The following GRM8 variants were observed in gnomAD, a reference collection of about 807,000 sequenced individuals.
GRM8 encodes the protein glutamate metabotropic receptor 8.
GRM8 carries 47 observed loss-of-function variants against 87.2 expected under a neutral mutation model. That is an observed-to-expected ratio of 0.54 (90% confidence interval 0.43 to 0.69). GRM8 has a LOEUF of 0.69. GRM8 is among the 30% of genes least tolerant of loss of function. GRM8 has a pLI of 0.00. For synonymous variants in GRM8, 396 were observed against 404.5 expected, an observed-to-expected ratio of 0.98 and a Z score of 0.25; for missense variants, 1,019 against 1,139.2, an observed-to-expected ratio of 0.89 and a Z score of 1.52.
intron 6 of GRM8, among the ~76,000 whole-genome samples, chr7:126,772,453 A>G (rs1399722102): frequency 6.6e-6 from 1 of 152,020 alleles, no homozygotes; most frequent in South Asian, 2.1e-4. Context: ...ATTTCTCAGC[A>G]CCACCCCAGA....
intron 6 of GRM8, among the ~76,000 whole-genome samples, chr7:126,859,267 A>G (rs1797954666): frequency 6.6e-6 from 1 of 152,198 alleles, no homozygotes; most frequent in African/African-American, 2.4e-5. Flanking sequence ...AAACGTGAAT[A>G]GATAAAAGTT....
At chr7:126,453,786 A>C (rs1228543303) in intron 9 of GRM8, among the ~76,000 whole-genome samples, 1 of 151,806 alleles carries the variant, frequency 6.6e-6, no homozygotes. Flanking sequence ...GTGGTCTTTA[A>C]TTTTCAATTA....
intron 3 of GRM8, among the ~76,000 whole-genome samples, chr7:126,941,604 A>G (rs1321690203): frequency 6.6e-6 from 1 of 151,384 alleles, no homozygotes; most frequent in Non-Finnish European, 1.5e-5. Flanking sequence ...TGGGCAACAG[A>G]GCAAGACTCT....
At chr7:127,079,436 G>C (rs1393399537) in intron 3 of GRM8, among the ~76,000 whole-genome samples, 1 of 152,168 alleles carries the variant, frequency 6.6e-6, no homozygotes, top group East Asian at 1.9e-4. Flanking sequence ...ATTTTTTAAA[G>C]TTAATGACAA....
At chr7:126,691,907 G>T (rs1243011240) in intron 7 of GRM8, among the ~76,000 whole-genome samples, 3 of 152,032 alleles carry the variant, frequency 2.0e-5, no homozygotes, top group Non-Finnish European at 4.4e-5. Flanking sequence ...TAGATCTTCG[G>T]GCCCTTTTAA....
intron 2 of GRM8, among the ~76,000 whole-genome samples, chr7:127,232,675 C>T (rs1563597478): frequency 1.3e-5 from 2 of 152,172 alleles, no homozygotes; most frequent in Non-Finnish European, 2.9e-5. Flanking sequence ...AATGAATATC[C>T]TCTTAATAGC....
chr7:126,468,773 A>G (rs889647637), intron 9 of GRM8, among the ~76,000 whole-genome samples: 2 of 152,108 alleles, frequency 1.3e-5, no homozygotes, highest in Non-Finnish European at 2.9e-5. Flanking sequence ...GCTTATTGTC[A>G]ATTAGACTCA....
At chr7:126,538,669 T>C (rs1816150781) in intron 8 of GRM8, among the ~76,000 whole-genome samples, 1 of 152,062 alleles carries the variant, frequency 6.6e-6, no homozygotes, top group African/African-American at 2.4e-5. Context: ...GTTTGACACC[T>C]CGATATTCAA....
At chr7:126,563,546 G>T (rs2150965642) in intron 8 of GRM8, among the ~76,000 whole-genome samples, 1 of 152,254 alleles carries the variant, frequency 6.6e-6, no homozygotes, top group African/African-American at 2.4e-5. Flanking sequence ...ACTTGAGCAA[G>T]TTCCCATCCA....
At chr7:126,465,895 A>G (rs1332975360) in intron 9 of GRM8, among the ~76,000 whole-genome samples, 1 of 151,920 alleles carries the variant, frequency 6.6e-6, no homozygotes, top group Non-Finnish European at 1.5e-5. Context: ...CTTTTTTCCC[A>G]AATCCAGGAA....
chr7:126,839,241 T>C (rs1563237175), intron 6 of GRM8, among the ~76,000 whole-genome samples: 1 of 152,194 alleles, frequency 6.6e-6, no homozygotes. Context: ...TCTAGGCTTC[T>C]GCTAAGCAAA....
chr7:126,692,646 A>G (rs1485189800), intron 7 of GRM8, among the ~76,000 whole-genome samples: 2 of 152,190 alleles, frequency 1.3e-5, no homozygotes, highest in Non-Finnish European at 2.9e-5. Flanking sequence ...CAGAATCCCA[A>G]AGACTACATC....
At chr7:126,859,168 T>C (rs1797942724) in intron 6 of GRM8, among the ~76,000 whole-genome samples, 1 of 151,984 alleles carries the variant, frequency 6.6e-6, no homozygotes, top group Admixed American at 6.6e-5. Flanking sequence ...TGCTGGTTTG[T>C]TTGCTTACTT....
intron 6 of GRM8, among the ~76,000 whole-genome samples, chr7:126,895,131 C>T (rs951057923): frequency 2.0e-5 from 3 of 152,018 alleles, no homozygotes; most frequent in African/African-American, 7.2e-5. Context: ...CACACACACA[C>T]ATATATACAT....
intron 2 of GRM8, among the ~76,000 whole-genome samples, chr7:127,218,243 C>G (rs1006804732): frequency 1.3e-5 from 2 of 152,258 alleles, no homozygotes; most frequent in African/African-American, 4.8e-5. Context: ...TTCTGACTTC[C>G]TTTCTTGCCC....
At chr7:127,002,949 C>T (rs1010623360) in intron 3 of GRM8, among the ~76,000 whole-genome samples, 1 of 151,570 alleles carries the variant, frequency 6.6e-6, no homozygotes, top group Admixed American at 6.6e-5. Flanking sequence ...GTCAAATTCC[C>T]AGAGGTCTGG....
At chr7:126,896,721 G>A (rs1265367998) in intron 6 of GRM8, among the ~76,000 whole-genome samples, 11 of 152,232 alleles carry the variant, frequency 7.2e-5, no homozygotes, top group South Asian at 4.1e-4. Flanking sequence ...ATATTTGTGC[G>A]TTGCTTTTTC....
intron 1 of GRM8, among the ~76,000 whole-genome samples, chr7:127,247,453 A>G (rs1002774482): frequency 6.6e-5 from 10 of 152,224 alleles, no homozygotes; most frequent in Non-Finnish European, 1.5e-4. Context: ...CTCTTTAACA[A>G]AAAGGTTAAG....
At chr7:127,238,832 A>C (rs1196878145) in intron 2 of GRM8, among the ~76,000 whole-genome samples, 1 of 152,220 alleles carries the variant, frequency 6.6e-6, no homozygotes, top group Non-Finnish European at 1.5e-5. Flanking sequence ...CCAGCAGAGG[A>C]GGTGGCTATC....
Sources: gnomAD v4.1 joint callset for allele counts (sites outside exome capture counted in the v4.1 genomes callset) on GRCh38, gnomAD v4.1.1 for gene constraint, MANE v1.5 for transcripts, NCBI Gene and HGNC (gene_info 2026-07-23, HGNC 2026-07-21) for gene names.